HYCC1: variants seen among roughly 807,000 people sequenced by gnomAD.
HYCC1 encodes the protein hyccin PI4KA lipid kinase complex subunit 1.
chr7:22,945,609 T>C, the HYCC1 span: 1 of 1,610,630 alleles, frequency 6.2e-7, no homozygotes, highest in Admixed American at 1.7e-5. Context: ...GACAGAGTAA[T>C]GCTAATACTA....
chr7:22,908,823 G>A, the HYCC1 span, among the ~76,000 whole-genome samples: 1 of 152,204 alleles, frequency 6.6e-6, no homozygotes, highest in Non-Finnish European at 1.5e-5. Context: ...GTCTAAGAGT[G>A]TGATTTATTG....
chr7:22,960,201 G>A, the HYCC1 span: 2 of 1,554,002 alleles, frequency 1.3e-6, no homozygotes, highest in Non-Finnish European at 8.9e-7. Flanking sequence ...TAAGTACAGT[G>A]AAAAATGTAA....
At chr7:22,964,602 G>A in the HYCC1 span, 13 of 827,050 alleles carry the variant, frequency 1.6e-5, no homozygotes, top group South Asian at 1.8e-4. Flanking sequence ...ACATTTATAA[G>A]CCAACAATGT....
chr7:22,921,425 C>T, the HYCC1 span, among the ~76,000 whole-genome samples: 33 of 152,248 alleles, frequency 2.2e-4, no homozygotes, highest in African/African-American at 7.7e-4. Context: ...TATACTTTCT[C>T]CTCTTTCTTT....
chr7:22,942,912 G>A, the HYCC1 span: 1 of 152,104 alleles, frequency 6.6e-6, no homozygotes, highest in Admixed American at 6.6e-5. Flanking sequence ...AACTATAAAA[G>A]AATTTTGTTG....
At chr7:22,898,601 TTTC>T in the HYCC1 span, among the ~76,000 whole-genome samples, 29 of 53,698 alleles carry the variant, frequency 5.4e-4, 1 homozygote, top group South Asian at 0.01. Context: ...TTTCTTTTCT[TTTC>T]TTTTTTTTTT....
the HYCC1 span, among the ~76,000 whole-genome samples, chr7:22,989,340 T>TTTTTG: frequency 1.1e-4 from 16 of 151,410 alleles, no homozygotes; most frequent in Admixed American, 2.6e-4. Flanking sequence ...TAATCAAAGT[T>TTTTTG]TTTTGTTTTG....
At chr7:22,948,826 T>A in the HYCC1 span, among the ~76,000 whole-genome samples, 4 of 152,040 alleles carry the variant, frequency 2.6e-5, no homozygotes, top group Non-Finnish European at 5.9e-5. Flanking sequence ...CTGCTGCTTC[T>A]GGGTGCTCTG....
chr7:22,947,919 A>T, the HYCC1 span, among the ~76,000 whole-genome samples: 2 of 152,150 alleles, frequency 1.3e-5, no homozygotes, highest in Non-Finnish European at 2.9e-5. Flanking sequence ...CAGTTGATTT[A>T]TTCAGACTCA....
the HYCC1 span, among the ~76,000 whole-genome samples, chr7:22,999,946 A>C: frequency 6.6e-6 from 1 of 152,154 alleles, no homozygotes; most frequent in Admixed American, 6.6e-5. Flanking sequence ...AAATACACAA[A>C]ATCAACAATG....
chr7:22,961,108 T>C, the HYCC1 span: 1 of 631,442 alleles, frequency 1.6e-6, no homozygotes, highest in Non-Finnish European at 2.8e-6. Context: ...AACTTCCATG[T>C]ATAACAAGAG....
chr7:22,986,849 A>G, the HYCC1 span, among the ~76,000 whole-genome samples: 606 of 152,306 alleles, frequency 4.0e-3, 3 homozygotes, highest in African/African-American at 0.013. Flanking sequence ...CTCTGTCTCA[A>G]AAAACAACAA....
the HYCC1 span, among the ~76,000 whole-genome samples, chr7:22,896,468 A>G: frequency 2.0e-5 from 3 of 152,234 alleles, no homozygotes; most frequent in African/African-American, 2.4e-5. Flanking sequence ...TGACAATTAG[A>G]CAGCAAGGCT....
the HYCC1 span, chr7:22,960,485 T>C: frequency 1.6e-6 from 2 of 1,227,726 alleles, no homozygotes; most frequent in South Asian, 1.2e-5. Flanking sequence ...AACCCTTCGA[T>C]AAAACATGAT....
At chr7:22,905,014 G>C in the HYCC1 span, among the ~76,000 whole-genome samples, 3 of 152,022 alleles carry the variant, frequency 2.0e-5, no homozygotes, top group African/African-American at 7.2e-5. Context: ...AAAGGGAGTA[G>C]AGTATCACAC....
the HYCC1 span, among the ~76,000 whole-genome samples, chr7:22,947,759 T>C: frequency 2.6e-5 from 4 of 152,156 alleles, no homozygotes; most frequent in East Asian, 1.9e-4. Flanking sequence ...TGAGGCTACA[T>C]TGAGACTGAC....
At chr7:23,011,266 ATCAATATAGCT>A in the HYCC1 span, among the ~76,000 whole-genome samples, 1 of 152,142 alleles carries the variant, frequency 6.6e-6, no homozygotes, top group African/African-American at 2.4e-5. Context: ...TCACAACTAA[ATCAATATAGCT>A]TCAATTCAAC....
the HYCC1 span, among the ~76,000 whole-genome samples, chr7:22,972,076 G>A: frequency 6.6e-6 from 1 of 151,782 alleles, no homozygotes; most frequent in Admixed American, 6.6e-5. Context: ...TAGCAAACAG[G>A]TGAGAAAAAA....
At chr7:22,934,850 G>T in the HYCC1 span, 1 of 152,296 alleles carries the variant, frequency 6.6e-6, no homozygotes, top group Admixed American at 6.5e-5. Flanking sequence ...GGAAGTTAGT[G>T]ATAGAGGCAC....
Sources: gnomAD v4.1 joint callset for allele counts (sites outside exome capture counted in the v4.1 genomes callset) on GRCh38, gnomAD v4.1.1 for gene constraint, MANE v1.5 for transcripts, NCBI Gene and HGNC (gene_info 2026-07-23, HGNC 2026-07-21) for gene names.